Variants in MAD1L1 observed in about 807,000 individuals in gnomAD.
MAD1L1 encodes mitotic spindle assembly checkpoint protein MAD1.
A neutral mutation model predicts 96.9 loss-of-function variants in MAD1L1; 95 were observed. The ratio of observed to expected loss-of-function variants is 0.98; its 90% CI spans 0.83 to 1.16. The LOEUF is 1.16. Ranked by LOEUF, MAD1L1 falls within the 50% of genes most tolerant of loss-of-function variation. The pLI is 0.00. For synonymous variants in MAD1L1, 473 were observed against 396.6 expected (o/e 1.19, Z -2.29); for missense variants, 1,007 against 954.4 (o/e 1.06, Z -0.73).
chr7:2,078,968 G>A (rs1785505968), intron 11 of MAD1L1, among the ~76,000 whole-genome samples: 1 of 152,346 alleles, frequency 6.6e-6, no homozygotes, highest in Admixed American at 6.5e-5. Context: ...AGATGCCCCA[G>A]TCGGGCCAAG....
At chr7:2,060,182 G>C (rs753182071) in intron 12 of MAD1L1, among the ~76,000 whole-genome samples, 1 of 115,824 alleles carries the variant, frequency 8.6e-6, no homozygotes, top group Non-Finnish European at 1.7e-5. Context: ...CCGATGCCGA[G>C]ATACACCGAT....
At chr7:2,060,433 G>A (rs925566261) in intron 12 of MAD1L1, among the ~76,000 whole-genome samples, 3 of 151,560 alleles carry the variant, frequency 2.0e-5, no homozygotes, top group Admixed American at 1.3e-4. Context: ...ATACGCCGAT[G>A]CTGAGATAAC....
At chr7:1,873,680 C>A (rs1163321284) in intron 18 of MAD1L1, among the ~76,000 whole-genome samples, 4 of 152,100 alleles carry the variant, frequency 2.6e-5, no homozygotes, top group Non-Finnish European at 4.4e-5. Context: ...AACCCCCGAC[C>A]ACCATGGGGG....
intron 12 of MAD1L1, among the ~76,000 whole-genome samples, chr7:2,014,949 T>C (rs892153695): frequency 6.6e-6 from 1 of 152,204 alleles, no homozygotes; most frequent in Non-Finnish European, 1.5e-5. Flanking sequence ...TGGGGTCGGC[T>C]GGGAGCAGAC....
chr7:2,131,216 C>A (rs1788496058), intron 11 of MAD1L1, among the ~76,000 whole-genome samples: 1 of 152,220 alleles, frequency 6.6e-6, no homozygotes, highest in Non-Finnish European at 1.5e-5. Context: ...TCATCCCAGG[C>A]ACTTCAGGAA....
intron 11 of MAD1L1, among the ~76,000 whole-genome samples, chr7:2,120,587 C>G (rs1344752272): frequency 6.6e-6 from 1 of 152,248 alleles, no homozygotes; most frequent in Non-Finnish European, 1.5e-5. Context: ...GGGTCTGACT[C>G]TTGCCCACCC....
At chr7:1,881,260 A>G (rs112867543) in intron 18 of MAD1L1, among the ~76,000 whole-genome samples, 71 of 152,332 alleles carry the variant, frequency 4.7e-4, no homozygotes, top group African/African-American at 1.7e-3. Flanking sequence ...TAACCCATTT[A>G]TGCCTAGTGT....
chr7:2,033,672 A>G (rs1196069892), intron 12 of MAD1L1, among the ~76,000 whole-genome samples: 1 of 152,236 alleles, frequency 6.6e-6, no homozygotes, highest in Admixed American at 6.5e-5. Flanking sequence ...GTAAAATGCT[A>G]ACACTCAGCA....
At chr7:1,967,430 C>T (rs1018125000) in intron 15 of MAD1L1, among the ~76,000 whole-genome samples, 6 of 152,182 alleles carry the variant, frequency 3.9e-5, no homozygotes, top group African/African-American at 1.4e-4. Context: ...GAAACTGACC[C>T]GATGACATCA....
intron 18 of MAD1L1, among the ~76,000 whole-genome samples, chr7:1,893,208 G>A (rs1426782417): frequency 6.6e-6 from 1 of 152,164 alleles, no homozygotes; most frequent in Non-Finnish European, 1.5e-5. Flanking sequence ...GGCAGCCCAG[G>A]CAGCCAGCTC....
At chr7:2,195,094 A>AC (rs1390835722) in intron 10 of MAD1L1, among the ~76,000 whole-genome samples, 1 of 152,176 alleles carries the variant, frequency 6.6e-6, no homozygotes, top group African/African-American at 2.4e-5. Context: ...TCTCAAAAAA[A>AC]AAAAAAAAGT....
chr7:2,042,136 C>T (rs766566614), intron 12 of MAD1L1, among the ~76,000 whole-genome samples: 15 of 151,910 alleles, frequency 9.9e-5, no homozygotes, highest in South Asian at 4.2e-4. Context: ...CACATGCACA[C>T]GGACATGCAG....
At chr7:2,214,658 G>A (rs1439133707) in intron 9 of MAD1L1, among the ~76,000 whole-genome samples, 2 of 152,210 alleles carry the variant, frequency 1.3e-5, no homozygotes, top group South Asian at 2.1e-4. Context: ...GAGGACCCAG[G>A]CAGGGGCCAG....
intron 14 of MAD1L1, among the ~76,000 whole-genome samples, chr7:1,996,498 G>A (rs1403936364): frequency 6.6e-6 from 1 of 152,228 alleles, no homozygotes; most frequent in Non-Finnish European, 1.5e-5. Flanking sequence ...TTCTTCATGG[G>A]CCCACGGGAC....
At chr7:1,987,344 G>A (rs1281852926) in intron 14 of MAD1L1, among the ~76,000 whole-genome samples, 2 of 152,248 alleles carry the variant, frequency 1.3e-5, no homozygotes, top group African/African-American at 4.8e-5. Flanking sequence ...CACACGGGTG[G>A]GCAGATGGTG....
At chr7:2,141,849 C>T (rs1048597920) in intron 11 of MAD1L1, among the ~76,000 whole-genome samples, 1 of 152,234 alleles carries the variant, frequency 6.6e-6, no homozygotes, top group Non-Finnish European at 1.5e-5. Context: ...GCTCCCGGGA[C>T]AGGTGCCGCC....
intron 5 of MAD1L1, among the ~76,000 whole-genome samples, chr7:2,221,328 T>C (rs771184152): frequency 2.6e-5 from 4 of 152,040 alleles, no homozygotes; most frequent in Non-Finnish European, 5.9e-5. Flanking sequence ...ACCCAGAGCA[T>C]GGGCAAGGCA....
intron 3 of MAD1L1, among the ~76,000 whole-genome samples, chr7:2,229,608 C>T (rs1035244543): frequency 2.6e-5 from 4 of 152,210 alleles, no homozygotes; most frequent in African/African-American, 9.6e-5. Flanking sequence ...ACTGTGTTTC[C>T]AACACAGCCT....
chr7:1,909,234 T>G (rs977218860), intron 17 of MAD1L1, among the ~76,000 whole-genome samples: 3 of 152,124 alleles, frequency 2.0e-5, no homozygotes, highest in Admixed American at 6.5e-5. Context: ...AGGAAGCCAG[T>G]GGAGGCCCAG....
Sources: allele counts gnomAD v4.1 joint callset (sites outside exome capture counted in the v4.1 genomes callset), GRCh38; gene constraint gnomAD v4.1.1; transcripts MANE v1.5; gene names NCBI Gene and HGNC (gene_info 2026-07-23, HGNC 2026-07-21).